ARHGAP25: variants seen among roughly 807,000 people sequenced by gnomAD.
ARHGAP25 encodes the protein rho GTPase-activating protein 25.
ARHGAP25 carries 34 observed loss-of-function variants against 71.0 expected under a neutral mutation model. The ratio of observed to expected loss-of-function variants is 0.48; its 90% CI spans 0.36 to 0.64. ARHGAP25 has a LOEUF of 0.64. ARHGAP25 is among the 30% of genes least tolerant of loss of function. ARHGAP25 has a pLI of 0.00. For synonymous variants in ARHGAP25, 282 were observed against 296.5 expected, an observed-to-expected ratio of 0.95 and a Z score of 0.50; for missense variants, 706 against 805.1, an observed-to-expected ratio of 0.88 and a Z score of 1.49.
chr2:68,791,711 A>T (rs17035921), intron 4 of ARHGAP25, among the ~76,000 whole-genome samples: 3,995 of 152,156 alleles, frequency 0.026, 179 homozygotes, highest in African/African-American at 0.092. Context: ...TACTCTGGTG[A>T]CAATTGTGCA....
intron 2 of ARHGAP25, among the ~76,000 whole-genome samples, chr2:68,717,177 G>A (rs1276655200): frequency 6.6e-6 from 1 of 152,126 alleles, no homozygotes; most frequent in Non-Finnish European, 1.5e-5. Context: ...GTAACACAGT[G>A]GTAAGTATTT....
chr2:68,741,194 T>A (rs573229242), intron 1 of ARHGAP25, among the ~76,000 whole-genome samples: 1 of 152,306 alleles, frequency 6.6e-6, no homozygotes, highest in Non-Finnish European at 1.5e-5. Flanking sequence ...TCTTTTAATG[T>A]TATATCTTCA....
At chr2:68,756,770 A>G (rs901971543) in intron 1 of ARHGAP25, among the ~76,000 whole-genome samples, 6 of 152,230 alleles carry the variant, frequency 3.9e-5, no homozygotes, top group Non-Finnish European at 7.3e-5. Context: ...AGGCATAAAA[A>G]GAAACAAAAA....
intron 2 of ARHGAP25, among the ~76,000 whole-genome samples, chr2:68,729,150 A>C (rs1473561780): frequency 6.6e-6 from 1 of 152,232 alleles, no homozygotes; most frequent in East Asian, 1.9e-4. Context: ...CTTTTGTGGA[A>C]GATGAAAGTG....
Position 68,816,307 on chromosome 2 carries a change from A to G in ARHGAP25, c.826A>G (p.Lys276Glu), listed in dbSNP as rs1244451018. Residue 276 changes from lysine to glutamate, a missense_variant, in exon 7 of 11, where the codon AAG becomes GAG. Physicochemically the swap from Lys to Glu is moderately conservative, Grantham distance 56 (BLOSUM62 1). Transcript: ENST00000409202. ...DEAKAQQELM[K>E]QLSILPRDNY... ...TTCCCAGGCTCAGCAGGAGTTGATG[A>G]AGCAGCTCTCCATCCTTCCTCGTGA... is the stretch of plus-strand genomic sequence containing the variant. The G allele has an allele frequency of 1.9e-6, 3 of 1,613,806 alleles. No homozygotes were observed. Among genetic ancestry groups the G allele is most frequent in the Non-Finnish European group, 2.5e-6 (3 of 1,179,736 alleles).
intron 1 of ARHGAP25, among the ~76,000 whole-genome samples, chr2:68,746,159 A>G (rs950505500): frequency 6.6e-6 from 1 of 152,150 alleles, no homozygotes; most frequent in Non-Finnish European, 1.5e-5. Flanking sequence ...TTTTATGCCT[A>G]CTTTTTAATT....
intron 5 of ARHGAP25, among the ~76,000 whole-genome samples, chr2:68,809,148 G>A (rs1379052344): frequency 3.3e-5 from 5 of 152,044 alleles, no homozygotes; most frequent in Non-Finnish European, 7.4e-5. Flanking sequence ...GGAGAGACCA[G>A]GTCTTCTCTC....
At position 68,819,191 on chromosome 2, in the gene ARHGAP25, A is replaced by G. The variant is rs777105770; in HGVS notation, c.1072A>G (p.Lys358Glu). The G allele has an allele frequency of 5.8e-5, 93 of 1,612,950 alleles. No individual in the cohort carries two copies. Among genetic ancestry groups the G allele is most frequent in the Non-Finnish European group, 7.2e-5 (85 of 1,179,408 alleles). ...CCATGAAGTCCTCTTCCCCAAGTCC[A>G]AGGATATACCCCTGTCACCCCCTGC... ...RDHEVLFPKS[K>E]DIPLSPPAQK... Residue 358 changes from lysine (K) to glutamate (E), a missense_variant, in exon 9 of 11, where the codon AAG becomes GAG. Coordinates refer to ENST00000409202, the MANE Select transcript of ARHGAP25 (RefSeq NM_001007231.3).
chr2:68,732,114 A>AT (rs1675036837), upstream of ARHGAP25, among the ~76,000 whole-genome samples: 1 of 152,174 alleles, frequency 6.6e-6, no homozygotes, highest in Non-Finnish European at 1.5e-5. Context: ...TTGGCTCTTC[A>AT]TTTTATGAAG....
At chr2:68,729,850 G>C (rs72893950), upstream of ARHGAP25, among the ~76,000 whole-genome samples, 156 of 152,320 alleles carry the variant, frequency 1.0e-3, 1 homozygote, top group African/African-American at 3.7e-3. Context: ...CTTAGTATAA[G>C]TATATTCTTA....
At chr2:68,780,594 T>G (rs1678256885) in intron 2 of ARHGAP25, among the ~76,000 whole-genome samples, 1 of 147,480 alleles carries the variant, frequency 6.8e-6, no homozygotes, top group Non-Finnish European at 1.5e-5. Context: ...CTTCTCCTCC[T>G]TCCCCTTCCC....
At chr2:68,721,223 T>C (rs962003252) in intron 2 of ARHGAP25, among the ~76,000 whole-genome samples, 1 of 152,240 alleles carries the variant, frequency 6.6e-6, no homozygotes, top group South Asian at 2.1e-4. Context: ...TTTATGAAAT[T>C]GGTCCAAACT....
At chr2:68,815,078 A>G (rs746493964) in intron 6 of ARHGAP25, among the ~76,000 whole-genome samples, 1 of 152,208 alleles carries the variant, frequency 6.6e-6, no homozygotes, top group Non-Finnish European at 1.5e-5. Flanking sequence ...TGTTCTGACA[A>G]TAAGATTCCC....
chr2:68,779,150 C>T (rs1002745685), intron 2 of ARHGAP25, among the ~76,000 whole-genome samples: 5 of 152,148 alleles, frequency 3.3e-5, no homozygotes, highest in African/African-American at 9.7e-5. Context: ...TGTCTACCAG[C>T]GGTGTGCTGG....
chr2:68,723,656 C>T (rs568933690), intron 2 of ARHGAP25, among the ~76,000 whole-genome samples: 18 of 152,324 alleles, frequency 1.2e-4, no homozygotes, highest in Admixed American at 5.9e-4. Context: ...ACTCTTCTAT[C>T]CCTAGTCCCA....
At chr2:68,731,492 A>G (rs74600684), upstream of ARHGAP25, among the ~76,000 whole-genome samples, 7,483 of 147,300 alleles carry the variant, frequency 0.051, 231 homozygotes, top group Middle Eastern at 0.12. Context: ...CCTGTTGAAA[A>G]CTCCCTAGTG....
At chr2:68,763,112 T>C (rs1486496640) in intron 1 of ARHGAP25, among the ~76,000 whole-genome samples, 1 of 152,226 alleles carries the variant, frequency 6.6e-6, no homozygotes, top group Non-Finnish European at 1.5e-5. Flanking sequence ...TTTTCACAAG[T>C]CACTAGCTGT....
At position 68,796,347 on chromosome 2, in the gene ARHGAP25, G is replaced by C. The variant is rs1232238400; in HGVS notation, c.466+8391G>C. ...TCTGGGATTTTGAGGAGTTTTTTTG[G>C]TTAGGAGCTATTGCTAGAGAATTAT... On this transcript the variant is annotated intron_variant, in intron 4 of 10. Coordinates refer to ENST00000409202, the MANE Select transcript of ARHGAP25 (RefSeq NM_001007231.3). Among the ~76,000 whole-genome samples, 4 of 152,188 alleles carry C rather than the reference G, an allele frequency of 2.6e-5. No individual in the cohort carries two copies. In the South Asian group the frequency reaches 8.3e-4, roughly 31 times the overall value.
intron 4 of ARHGAP25, among the ~76,000 whole-genome samples, chr2:68,801,218 A>G (rs1020846161): frequency 2.6e-5 from 4 of 152,062 alleles, no homozygotes; most frequent in African/African-American, 9.7e-5. Flanking sequence ...GCTTTGACGG[A>G]TTTCTAGGCT....
Sources: gnomAD v4.1 joint callset for allele counts (sites outside exome capture counted in the v4.1 genomes callset) on GRCh38, gnomAD v4.1.1 for gene constraint, MANE v1.5 for transcripts, NCBI Gene and HGNC (gene_info 2026-07-23, HGNC 2026-07-21) for gene names.